The following IMMP2L variants were observed in gnomAD, a reference collection of about 807,000 sequenced individuals.
The protein encoded by IMMP2L is mitochondrial inner membrane protease subunit 2.
In IMMP2L, 18 loss-of-function variants were observed where a neutral mutation model predicts 19.3. That is an observed-to-expected ratio of 0.93 (90% CI 0.64 to 1.38). IMMP2L has a LOEUF of 1.38. Among genes scored for constraint, IMMP2L ranks in the 40% most tolerant of loss-of-function variants. The probability of loss-of-function intolerance (pLI) is 0.00; values close to 1 mark genes in which losing one functional copy is unlikely to be tolerated. For missense variants in IMMP2L, 233 were observed against 218.2 expected (o/e 1.07, Z -0.43); for synonymous variants, 76 against 73.0 (o/e 1.04, Z -0.21).
chr7:111,518,508 G>T (rs1383889880), intron 2 of IMMP2L, among the ~76,000 whole-genome samples: 1 of 152,094 alleles, frequency 6.6e-6, no homozygotes, highest in African/African-American at 2.4e-5. Flanking sequence ...GACTTCCAGA[G>T]ATCTCCACAC....
At chr7:111,534,696 T>C (rs1019048294) in intron 1 of IMMP2L, among the ~76,000 whole-genome samples, 41 of 152,324 alleles carry the variant, frequency 2.7e-4, no homozygotes, top group African/African-American at 9.4e-4. Context: ...GTCAGTCTTA[T>C]GTGAAAGCTA....
chr7:111,497,382 C>G (rs922247442), intron 2 of IMMP2L, among the ~76,000 whole-genome samples: 9 of 152,006 alleles, frequency 5.9e-5, no homozygotes, highest in Admixed American at 1.3e-4. Context: ...AGTCTTTTAG[C>G]TAAAATCAAG....
At chr7:110,884,177 T>A (rs1319573131) in intron 5 of IMMP2L, among the ~76,000 whole-genome samples, 1 of 152,024 alleles carries the variant, frequency 6.6e-6, no homozygotes, top group African/African-American at 2.4e-5. Context: ...TTTGTCACTA[T>A]CTGCAATAAT....
At chr7:111,013,609 T>C (rs1825200884) in intron 3 of IMMP2L, among the ~76,000 whole-genome samples, 1 of 152,088 alleles carries the variant, frequency 6.6e-6, no homozygotes, top group Non-Finnish European at 1.5e-5. Flanking sequence ...AAGCAGGTTA[T>C]GTTCACAGGC....
In IMMP2L at chr7:111,189,025, CT is replaced by C. The variant is rs1426733631; in HGVS notation, c.240-225461del. 2.6e-5 allele frequency among the ~76,000 whole-genome samples: 4 copies of C among 152,186 alleles called. No homozygotes were observed. In the East Asian group the frequency reaches 7.7e-4, roughly 29 times the overall value. ...GCATCAGCCAGCTCCATTACTGCACCTACTAGTACCGTTGAGAAAAATCTGC... is the reference window on the plus strand; with the variant it reads ...GCATCAGCCAGCTCCATTACTGCACCACTAGTACCGTTGAGAAAAATCTGC... On this transcript the variant is annotated intron_variant, in intron 3 of 5. Transcript: ENST00000405709.
chr7:110,837,404 A>C (rs1229925549), intron 5 of IMMP2L, among the ~76,000 whole-genome samples: 2 of 151,966 alleles, frequency 1.3e-5, no homozygotes, highest in Non-Finnish European at 2.9e-5. Context: ...AGGGAGAAAG[A>C]GCAAGAAAGA....
intron 3 of IMMP2L, among the ~76,000 whole-genome samples, chr7:110,988,598 G>C (rs550212258): frequency 2.8e-4 from 43 of 152,238 alleles, no homozygotes; most frequent in African/African-American, 1.0e-3. Context: ...TGAGGTCATA[G>C]CAGTATGTCA....
At chr7:111,232,082 T>C (rs1384475976) in intron 3 of IMMP2L, among the ~76,000 whole-genome samples, 1 of 152,068 alleles carries the variant, frequency 6.6e-6, no homozygotes, top group Non-Finnish European at 1.5e-5. Flanking sequence ...ACTAGATTAA[T>C]AAATATTTAG....
In IMMP2L at chr7:111,123,390, G is replaced by A; in HGVS notation, c.240-159825C>T. The A allele has an allele frequency of 1.2e-6, 2 of 1,613,722 alleles. No individual in the cohort carries two copies. ...ATCCAATTATCAGAATCAAAGACAT[G>A]AACTTTAAGCCTCTTATCAATCTTC... On this transcript the variant is annotated intron_variant, in intron 3 of 5. Transcript: ENST00000405709. The surrounding 1 kb of genome is among the most constrained non-coding windows in gnomAD (Gnocchi z 6.4).
At chr7:111,414,986 G>T (rs1045964794) in intron 3 of IMMP2L, among the ~76,000 whole-genome samples, 5 of 151,890 alleles carry the variant, frequency 3.3e-5, no homozygotes, top group African/African-American at 1.2e-4. Context: ...CTCCCAGTAT[G>T]ATGTTACATT....
chr7:111,111,342 T>C (rs1361461923), intron 3 of IMMP2L, among the ~76,000 whole-genome samples: 1 of 143,558 alleles, frequency 7.0e-6, no homozygotes, highest in Non-Finnish European at 1.5e-5. Flanking sequence ...AGCAAGGGCC[T>C]ACATTGCCCA....
At chr7:110,873,291 C>T (rs1015753874) in intron 5 of IMMP2L, among the ~76,000 whole-genome samples, 2 of 151,410 alleles carry the variant, frequency 1.3e-5, no homozygotes, top group Admixed American at 6.6e-5. Flanking sequence ...GGCATGGTGG[C>T]GCATGCCTGT....
At chr7:110,955,832 C>T (rs1243710888) in intron 4 of IMMP2L, among the ~76,000 whole-genome samples, 2 of 151,170 alleles carry the variant, frequency 1.3e-5, no homozygotes, top group Non-Finnish European at 2.9e-5. Flanking sequence ...AATTATTAAT[C>T]TACCAAAAAA....
intron 5 of IMMP2L, among the ~76,000 whole-genome samples, chr7:110,796,947 T>C (rs970117561): frequency 6.6e-6 from 1 of 152,062 alleles, no homozygotes; most frequent in African/African-American, 2.4e-5. Flanking sequence ...AGTATTGAGT[T>C]GATTCATTGT....
chr7:110,798,425 C>T (rs1801009628), intron 5 of IMMP2L, among the ~76,000 whole-genome samples: 1 of 151,878 alleles, frequency 6.6e-6, no homozygotes, highest in Admixed American at 6.6e-5. Flanking sequence ...CAATTTTATC[C>T]ACAGTGCCCA....
At chr7:111,298,557 C>A (rs1443392861) in intron 3 of IMMP2L, among the ~76,000 whole-genome samples, 1 of 152,028 alleles carries the variant, frequency 6.6e-6, no homozygotes, top group African/African-American at 2.4e-5. Context: ...CAAGACCAGG[C>A]TGGCCAACAT....
In IMMP2L at chr7:111,321,207, C is replaced by T. The variant is rs142157752; in HGVS notation, c.239+166031G>A. 2.4e-3 allele frequency among the ~76,000 whole-genome samples: 368 copies of T among 152,002 alleles called. 1 individual carries two copies. The highest frequency in any genetic ancestry group is 7.6e-3 in the African/African-American group (314 of 41,494). On this transcript the variant is annotated intron_variant, in intron 3 of 5. Coordinates refer to ENST00000405709, the MANE Select transcript of IMMP2L (RefSeq NM_032549.4). ...TTTTGATTTGACTTACCCTTATTTG[C>T]TCCTACGATAATACCAAAAAAGCAT...
At chr7:111,172,726 A>G (rs1806588440) in intron 3 of IMMP2L, among the ~76,000 whole-genome samples, 2 of 151,514 alleles carry the variant, frequency 1.3e-5, no homozygotes, top group Non-Finnish European at 3.0e-5. Context: ...GCTTTCCCAT[A>G]TGAGTGAGAA....
intron 3 of IMMP2L, among the ~76,000 whole-genome samples, chr7:111,107,441 A>C (rs1798675655): frequency 6.6e-6 from 1 of 152,048 alleles, no homozygotes; most frequent in Non-Finnish European, 1.5e-5. Flanking sequence ...GTCTCTAAAA[A>C]GAAATTCTGG....
Sources: allele counts gnomAD v4.1 joint callset (sites outside exome capture counted in the v4.1 genomes callset), GRCh38; gene constraint gnomAD v4.1.1; non-coding constraint Gnocchi (gnomAD v3.1); transcripts MANE v1.5; gene names NCBI Gene and HGNC (gene_info 2026-07-23, HGNC 2026-07-21).